FOXP2: variants seen among roughly 807,000 people sequenced by gnomAD.
FOXP2 encodes forkhead box protein P2.
In FOXP2, 12 loss-of-function variants were observed where a neutral mutation model predicts 115.8. The ratio of observed to expected loss-of-function variants is 0.10; its 90% confidence interval spans 0.07 to 0.17. The LOEUF (loss-of-function observed/expected upper bound fraction) is 0.17, where lower values mean the gene tolerates loss of function less well. FOXP2 is among the 10% of genes least tolerant of loss of function. The pLI, the probability that FOXP2 is intolerant of heterozygous loss-of-function variation, is 1.00. For synonymous variants in FOXP2, 328 were observed against 297.7 expected, an observed-to-expected ratio of 1.10 and a Z score of -1.05; for missense variants, 629 against 843.5, an observed-to-expected ratio of 0.75 and a Z score of 3.15.
At chr7:114,200,296 A>C (rs532538147) in intron 1 of FOXP2, among the ~76,000 whole-genome samples, 11 of 152,354 alleles carry the variant, frequency 7.2e-5, no homozygotes, top group Admixed American at 2.0e-4. Context: ...TCAAGCTGTA[A>C]GTAATTCTTT....
chr7:114,498,342 T>C (rs1051610165), intron 2 of FOXP2, among the ~76,000 whole-genome samples: 2 of 152,316 alleles, frequency 1.3e-5, no homozygotes, highest in East Asian at 3.9e-4. Flanking sequence ...CTTGTTCAGA[T>C]CATTTTAATA....
intron 1 of FOXP2, among the ~76,000 whole-genome samples, chr7:114,237,981 C>G (rs1048652438): frequency 2.0e-5 from 3 of 152,022 alleles, no homozygotes; most frequent in Non-Finnish European, 4.4e-5. Context: ...GCATCTCAAA[C>G]AAACAAACAA....
At chr7:114,567,458 A>G (rs1022122752) in intron 3 of FOXP2, among the ~76,000 whole-genome samples, 3 of 152,110 alleles carry the variant, frequency 2.0e-5, no homozygotes, top group East Asian at 3.9e-4. Flanking sequence ...TCAGCACTAA[A>G]TGACTTACTC....
At chr7:114,159,428 TG>T (rs1248893506), upstream of FOXP2, among the ~76,000 whole-genome samples, 1 of 151,740 alleles carries the variant, frequency 6.6e-6, no homozygotes, top group Non-Finnish European at 1.5e-5. Flanking sequence ...GTTGAAAGAA[TG>T]GAATCTCTTT....
At chr7:114,389,538 A>G (rs1792535523) in intron 2 of FOXP2, among the ~76,000 whole-genome samples, 1 of 152,212 alleles carries the variant, frequency 6.6e-6, no homozygotes, top group South Asian at 2.1e-4. Flanking sequence ...ACATGAAAAC[A>G]TAGGACTTTT....
At chr7:114,568,706 C>T (rs139529645) in intron 3 of FOXP2, among the ~76,000 whole-genome samples, 18 of 151,924 alleles carry the variant, frequency 1.2e-4, no homozygotes, top group African/African-American at 4.1e-4. Context: ...ATTTTGGCAC[C>T]TGTATCCCTT....
chr7:114,580,396 G>A (rs536612493), intron 3 of FOXP2, among the ~76,000 whole-genome samples: 1 of 152,250 alleles, frequency 6.6e-6, no homozygotes, highest in South Asian at 2.1e-4. Context: ...TGACCAACAT[G>A]GTGAAACCCC....
chr7:114,125,099 G>T (rs906320766), intron 1 of FOXP2, among the ~76,000 whole-genome samples: 1 of 152,050 alleles, frequency 6.6e-6, no homozygotes, highest in Non-Finnish European at 1.5e-5. Context: ...TCAGCCTTTG[G>T]CTAGTTTGTG....
chr7:114,629,683 G>A (rs1804783722), intron 4 of FOXP2, 122 bp from the exon 5 acceptor site: 5 of 1,602,290 alleles, frequency 3.1e-6, no homozygotes, highest in Non-Finnish European at 4.2e-6. Context: ...TATATTTTTT[G>A]TTGTTTTTAT....
chr7:114,601,430 G>A (rs1660694120), intron 3 of FOXP2, among the ~76,000 whole-genome samples: 1 of 152,154 alleles, frequency 6.6e-6, no homozygotes, highest in Middle Eastern at 3.4e-3. Flanking sequence ...AAGTTTTATA[G>A]TTTTATGCTT....
chr7:114,419,002 AAC>A (rs1248515092), intron 1 of FOXP2, among the ~76,000 whole-genome samples: 2 of 151,944 alleles, frequency 1.3e-5, no homozygotes, highest in Non-Finnish European at 2.9e-5. Context: ...TGTAATGCTA[AAC>A]ACACACTCTT....
chr7:114,102,867 T>C (rs1791024099), intron 1 of FOXP2, among the ~76,000 whole-genome samples: 1 of 152,108 alleles, frequency 6.6e-6, no homozygotes, highest in African/African-American at 2.4e-5. Context: ...TCTCACAAGC[T>C]CTTCCTTGAA....
At chr7:114,573,974 C>A (rs1801447464) in intron 3 of FOXP2, among the ~76,000 whole-genome samples, 3 of 151,552 alleles carry the variant, frequency 2.0e-5, no homozygotes, top group Admixed American at 6.6e-5. Flanking sequence ...AATATTTTTT[C>A]ATAGGGTTTT....
intron 2 of FOXP2, among the ~76,000 whole-genome samples, chr7:114,397,442 C>T (rs955479818): frequency 4.0e-5 from 6 of 151,764 alleles, no homozygotes; most frequent in Admixed American, 1.3e-4. Flanking sequence ...GTAGAGAAAA[C>T]GGGATAATAT....
chr7:114,483,621 T>A (rs937057289), intron 2 of FOXP2, among the ~76,000 whole-genome samples: 11 of 151,756 alleles, frequency 7.2e-5, no homozygotes, highest in Admixed American at 1.3e-4. Context: ...TGATATTTGA[T>A]GTTGCTATCA....
intron 16 of FOXP2, among the ~76,000 whole-genome samples, chr7:114,672,950 C>T (rs1807572307): frequency 6.6e-6 from 1 of 152,130 alleles, no homozygotes; most frequent in Non-Finnish European, 1.5e-5. Flanking sequence ...AGCAGTAGGG[C>T]TCAACTACAG....
intron 1 of FOXP2, among the ~76,000 whole-genome samples, chr7:114,254,296 T>C (rs1473533441): frequency 6.6e-6 from 1 of 152,326 alleles, no homozygotes; most frequent in South Asian, 2.1e-4. Context: ...TTTAGGAGTA[T>C]CTTTGTGGCG....
intron 2 of FOXP2, among the ~76,000 whole-genome samples, chr7:114,399,152 G>A (rs1459549529): frequency 6.8e-6 from 1 of 146,896 alleles, no homozygotes; most frequent in Non-Finnish European, 1.5e-5. Context: ...CTGTTGCCCA[G>A]GCTGAAGGGC....
chr7:114,593,363 T>G lies in FOXP2; in HGVS notation c.259-35177T>G, dbSNP rs116639426. Among the ~76,000 whole-genome samples, 900 of 152,094 alleles carry G rather than the reference T, an allele frequency of 5.9e-3. 6 individuals carry two copies. Among genetic ancestry groups the G allele is most frequent in the African/African-American group, 0.018 (757 of 41,518 alleles). On this transcript the variant is annotated intron_variant, in intron 3 of 16. Coordinates refer to ENST00000350908, the MANE Select transcript of FOXP2 (RefSeq NM_014491.4). ...TTGCTGGTTCAAATGTGAACATATT[T>G]TTGACGTATCCTTTCAGCCAGAAAG...
Sources: gnomAD v4.1 joint callset for allele counts (sites outside exome capture counted in the v4.1 genomes callset) on GRCh38, gnomAD v4.1.1 for gene constraint, MANE v1.5 for transcripts, NCBI Gene and HGNC (gene_info 2026-07-23, HGNC 2026-07-21) for gene names.